Variants in SPAG17 observed in about 807,000 individuals in gnomAD.
SPAG17 encodes the protein sperm-associated antigen 17.
In SPAG17, 169 loss-of-function variants were observed where a neutral mutation model predicts 273.6. The observed-to-expected ratio is 0.62, with a 90% CI of 0.55 to 0.70. SPAG17 has a LOEUF of 0.70. Among genes scored for constraint, SPAG17 ranks in the 30% least tolerant of loss-of-function variants. The probability of loss-of-function intolerance (pLI) is 0.00; values close to 1 mark genes in which losing one functional copy is unlikely to be tolerated. For synonymous variants in SPAG17, 825 were observed against 873.2 expected, an observed-to-expected ratio of 0.94 and a Z score of 0.97; for missense variants, 2,557 against 2,627.8, an observed-to-expected ratio of 0.97 and a Z score of 0.59.
At chr1:118,137,802 A>G (rs1000568754) in intron 3 of SPAG17, among the ~76,000 whole-genome samples, 4 of 152,196 alleles carry the variant, frequency 2.6e-5, no homozygotes, top group Non-Finnish European at 4.4e-5. Context: ...CCTTTTCAAT[A>G]TATAAATGAA....
chr1:118,035,471 T>C lies in SPAG17; in HGVS notation c.3433+1299A>G, dbSNP rs753562250. The stretch of plus-strand genomic sequence containing the variant: ...AATATGTAATTCGTTAGGCATCAAA[T>C]GACTTCTCCAGTTGCTGACTTAACA... On this transcript the variant is annotated intron_variant, in intron 24 of 48. Coordinates refer to ENST00000336338, the MANE Select transcript of SPAG17 (RefSeq NM_206996.4). Among the ~76,000 whole-genome samples the C allele has an allele frequency of 6.6e-5, 10 of 152,172 alleles. No homozygotes were observed. The South Asian group carries it at 1.7e-3, about 25-fold the overall frequency.
chr1:117,990,562 T>C (rs1446045466), intron 38 of SPAG17, among the ~76,000 whole-genome samples: 3 of 152,210 alleles, frequency 2.0e-5, no homozygotes, highest in African/African-American at 7.2e-5. Flanking sequence ...CCTTCCTATA[T>C]CTTCATTATA....
At chr1:118,095,152 A>G (rs1173161524) in intron 7 of SPAG17, among the ~76,000 whole-genome samples, 1 of 152,202 alleles carries the variant, frequency 6.6e-6, no homozygotes, top group Non-Finnish European at 1.5e-5. Context: ...TAAAAGTAAA[A>G]TATAGCCACT....
rs1372867626 is a variant in SPAG17, at chr1:118,055,920, C to A, written c.2541-6G>T. ...CAACAAGTTCCAAATAATTCCTAAACAAACCAATAGCAGACGTCAATTGAG... is the reference window on the plus strand; with the variant it reads ...CAACAAGTTCCAAATAATTCCTAAAAAAACCAATAGCAGACGTCAATTGAG... On this transcript the variant is annotated splice_polypyrimidine_tract_variant and splice_region_variant and intron_variant, in intron 18 of 48. Transcript: ENST00000336338. 6.3e-7 allele frequency: 1 copy of A among 1,599,816 alleles called. No individual in the cohort carries two copies. The highest frequency in any genetic ancestry group is 8.5e-7 in the Non-Finnish European group (1 of 1,174,738).
At chr1:118,005,677 G>T in intron 31 of SPAG17, 75 bp from the exon 32 acceptor site, 1 of 1,091,078 alleles carries the variant, frequency 9.2e-7, no homozygotes, top group East Asian at 3.0e-5. Flanking sequence ...AACCATTTTA[G>T]GAGAAAGAAT....
At chr1:118,082,406 C>T (rs1282999760) in intron 13 of SPAG17, among the ~76,000 whole-genome samples, 2 of 152,128 alleles carry the variant, frequency 1.3e-5, no homozygotes, top group Non-Finnish European at 2.9e-5. Context: ...AAGTAACCTC[C>T]ATTTTCTCTC....
At chr1:118,072,774 A>G (rs1653728600) in intron 17 of SPAG17, among the ~76,000 whole-genome samples, 1 of 152,060 alleles carries the variant, frequency 6.6e-6, no homozygotes, top group South Asian at 2.1e-4. Context: ...GTATCAGAGA[A>G]TGGAGAAGTG....
Position 118,115,383 on chromosome 1 carries a change from A to G in SPAG17, c.374T>C (p.Ile125Thr), listed in dbSNP as rs762991390. Residue 125 changes from isoleucine (I) to threonine (T), a missense_variant, in exon 4 of 49, where the codon ATA (isoleucine) becomes ACA (threonine). Coordinates refer to ENST00000336338, the MANE Select transcript of SPAG17 (RefSeq NM_206996.4). ...DSGEKLTLPL[I>T]GKLLKFQLLQ... ...AAGTTGAAATTTCAAGAGTTTCCCT[A>G]TCAGTGGTAAGGTTAATTTCTCTCC... is the stretch of plus-strand genomic sequence containing the variant. The G allele has an allele frequency of 2.5e-6, 4 of 1,613,680 alleles. No individual in the cohort carries two copies. The highest frequency in any genetic ancestry group is 2.2e-5 in the East Asian group (1 of 44,860).
chr1:118,161,180 T>A (rs1248208421), intron 1 of SPAG17, among the ~76,000 whole-genome samples: 1 of 152,208 alleles, frequency 6.6e-6, no homozygotes, highest in Admixed American at 6.5e-5. Context: ...TAGAGACTAT[T>A]TCTTGTAAAG....
intron 38 of SPAG17, among the ~76,000 whole-genome samples, chr1:117,988,851 T>C (rs1196407099): frequency 6.6e-6 from 1 of 152,176 alleles, no homozygotes; most frequent in East Asian, 1.9e-4. Context: ...ATGAAACTCA[T>C]TTTTGGTGGA....
intron 1 of SPAG17, 70 bp from the exon 2 acceptor site, chr1:118,151,439 C>T: frequency 7.4e-7 from 1 of 1,357,292 alleles, no homozygotes; most frequent in Non-Finnish European, 1.0e-6. Flanking sequence ...AATATTTCCA[C>T]TGAGAAGCAG....
intron 4 of SPAG17, among the ~76,000 whole-genome samples, chr1:118,109,852 C>A (rs1428053533): frequency 1.3e-5 from 2 of 151,994 alleles, no homozygotes; most frequent in African/African-American, 4.8e-5. Context: ...ATTTGAGAGA[C>A]CGTAGGTTAA....
chr1:118,032,257 T>C (rs1480295232), intron 24 of SPAG17, among the ~76,000 whole-genome samples: 1 of 152,170 alleles, frequency 6.6e-6, no homozygotes, highest in Non-Finnish European at 1.5e-5. Flanking sequence ...AAAGTCCTTA[T>C]AGCATCAAAA....
chr1:118,000,714 A>G (rs1453940750), intron 32 of SPAG17, among the ~76,000 whole-genome samples: 1 of 152,064 alleles, frequency 6.6e-6, no homozygotes, highest in Non-Finnish European at 1.5e-5. Context: ...GCTTAAGGAG[A>G]TTTTGGGCTG....
intron 18 of SPAG17, among the ~76,000 whole-genome samples, chr1:118,064,806 T>G (rs1304168861): frequency 6.6e-6 from 1 of 151,814 alleles, no homozygotes; most frequent in African/African-American, 2.4e-5. Flanking sequence ...ATCAGTCAGA[T>G]ACTTTGAGGT....
At chr1:118,089,332 C>T (rs1484038629) in intron 10 of SPAG17, among the ~76,000 whole-genome samples, 2 of 135,882 alleles carry the variant, frequency 1.5e-5, no homozygotes, top group African/African-American at 2.7e-5. Flanking sequence ...ATGTAGATGA[C>T]GTGTGTGTGT....
chr1:118,075,682 T>G (rs1056558935), intron 15 of SPAG17, among the ~76,000 whole-genome samples: 3 of 152,192 alleles, frequency 2.0e-5, no homozygotes, highest in Non-Finnish European at 4.4e-5. Flanking sequence ...AGATTATGTC[T>G]GACAAAGTTG....
intron 28 of SPAG17, among the ~76,000 whole-genome samples, chr1:118,021,662 C>A (rs182500796): frequency 4.7e-4 from 72 of 152,164 alleles, no homozygotes; most frequent in Non-Finnish European, 1.6e-4. Context: ...TGTGCACTTT[C>A]CACTCAATTT....
chr1:118,089,616 G>A (rs1433451702), intron 10 of SPAG17, among the ~76,000 whole-genome samples: 5 of 152,094 alleles, frequency 3.3e-5, no homozygotes, highest in African/African-American at 1.2e-4. Context: ...ATTGACATCA[G>A]ACTTCTTAAC....
Sources: gnomAD v4.1 joint callset for allele counts (sites outside exome capture counted in the v4.1 genomes callset) on GRCh38, gnomAD v4.1.1 for gene constraint, MANE v1.5 for transcripts, NCBI Gene and HGNC (gene_info 2026-07-23, HGNC 2026-07-21) for gene names.